SNX29: variants seen among roughly 807,000 people sequenced by gnomAD.
SNX29 encodes the protein sorting nexin 29, also known as sorting nexin-29.
Under a neutral mutation model 102.1 loss-of-function variants are expected in SNX29, and 78 were observed. That is an observed-to-expected ratio of 0.76 (90% confidence interval 0.64 to 0.92). The LOEUF is 0.92. Ranked by LOEUF, SNX29 falls within the 40% of genes least tolerant of loss-of-function variation. The pLI is 0.00. For missense variants in SNX29, 1,280 were observed against 1,061.7 expected (o/e 1.21, Z -2.86); for synonymous variants, 580 against 414.5 (o/e 1.40, Z -4.85).
intron 1 of SNX29, among the ~76,000 whole-genome samples, chr16:11,998,514 C>A (rs954176189): frequency 3.3e-5 from 5 of 152,182 alleles, no homozygotes; most frequent in Non-Finnish European, 7.3e-5. Flanking sequence ...CTAGTCTTGG[C>A]TTACCAACTC....
intron 14 of SNX29, among the ~76,000 whole-genome samples, chr16:12,213,500 A>G (rs1225017557): frequency 1.3e-5 from 2 of 152,146 alleles, no homozygotes; most frequent in Non-Finnish European, 2.9e-5. Context: ...TAAAATTAAA[A>G]ACAACATTGA....
At chr16:12,535,925 A>G (rs917206789) in intron 20 of SNX29, among the ~76,000 whole-genome samples, 1 of 152,118 alleles carries the variant, frequency 6.6e-6, no homozygotes, top group Non-Finnish European at 1.5e-5. Context: ...AGGGCTAGAA[A>G]ATGGGGCTGG....
intron 16 of SNX29, among the ~76,000 whole-genome samples, chr16:12,382,315 AC>A (rs2083196220): frequency 6.6e-6 from 1 of 152,178 alleles, no homozygotes; most frequent in South Asian, 2.1e-4. Flanking sequence ...CATGGTGTGA[AC>A]CTTGCTCCGT....
chr16:12,180,166 T>C (rs2076350078), intron 13 of SNX29, among the ~76,000 whole-genome samples: 1 of 152,124 alleles, frequency 6.6e-6, no homozygotes, highest in Non-Finnish European at 1.5e-5. Context: ...TTTCTTCATA[T>C]CCTTTTCTTT....
intron 14 of SNX29, among the ~76,000 whole-genome samples, chr16:12,252,080 A>G (rs1467779044): frequency 1.3e-5 from 2 of 152,178 alleles, no homozygotes; most frequent in African/African-American, 4.8e-5. Context: ...ATTTCCTTGC[A>G]AGAAAATCAC....
chr16:11,988,424 A>G (rs2055717643), intron 1 of SNX29, among the ~76,000 whole-genome samples: 1 of 151,870 alleles, frequency 6.6e-6, no homozygotes, highest in Non-Finnish European at 1.5e-5. Context: ...TTGAGATAGG[A>G]TTTTGCTGTG....
chr16:12,520,879 C>T lies in SNX29; in HGVS notation c.2179-3823C>T, dbSNP rs186133280. Among the ~76,000 whole-genome samples the T allele has an allele frequency of 3.9e-5, 6 of 152,262 alleles. No homozygotes were observed. The East Asian group carries it at 9.7e-4, about 25-fold the overall frequency. On this transcript the variant is annotated intron_variant, in intron 19 of 20. Coordinates refer to ENST00000566228, the MANE Select transcript of SNX29 (RefSeq NM_032167.5). ...GCACACTGCTCAGGTGAAGGGGGCA[C>T]TAGAGTTTCAGAATTCACCACTAAA...
chr16:12,422,471 C>A (rs1480075147), intron 18 of SNX29, among the ~76,000 whole-genome samples: 1 of 152,210 alleles, frequency 6.6e-6, no homozygotes, highest in Non-Finnish European at 1.5e-5. Flanking sequence ...CAAGTAACTT[C>A]TTCCAAATCC....
At chr16:12,541,720 C>T (rs565723933) in intron 20 of SNX29, among the ~76,000 whole-genome samples, 6 of 152,222 alleles carry the variant, frequency 3.9e-5, no homozygotes, top group South Asian at 2.1e-4. Flanking sequence ...TGATTCCTGT[C>T]ACCTCCTGTC....
intron 20 of SNX29, among the ~76,000 whole-genome samples, chr16:12,551,859 G>A (rs1383977335): frequency 6.6e-6 from 1 of 152,140 alleles, no homozygotes; most frequent in Non-Finnish European, 1.5e-5. Context: ...ACAGGAGCAG[G>A]CAGGTGATAT....
intron 16 of SNX29, among the ~76,000 whole-genome samples, chr16:12,397,524 G>A (rs185532330): frequency 6.6e-6 from 1 of 152,154 alleles, no homozygotes; most frequent in Non-Finnish European, 1.5e-5. Context: ...TGTAAATTCA[G>A]TGTTCTCTTT....
At chr16:12,393,918 C>T (rs986219350) in intron 16 of SNX29, among the ~76,000 whole-genome samples, 5 of 152,302 alleles carry the variant, frequency 3.3e-5, no homozygotes, top group African/African-American at 1.2e-4. Flanking sequence ...CCAAGGTTTA[C>T]GGAAGCCAAG....
At chr16:12,206,814 G>GT (rs71139583) in intron 14 of SNX29, among the ~76,000 whole-genome samples, 1,547 of 121,622 alleles carry the variant, frequency 0.013, 29 homozygotes, top group African/African-American at 0.037. Flanking sequence ...GAATGAGGTG[G>GT]TTTTTTTTTT....
intron 1 of SNX29, among the ~76,000 whole-genome samples, chr16:11,992,747 T>G (rs1431312499): frequency 2.6e-5 from 4 of 152,214 alleles, no homozygotes; most frequent in Non-Finnish European, 5.9e-5. Context: ...CAAAGAGCAT[T>G]GCCTTCTTTT....
intron 13 of SNX29, among the ~76,000 whole-genome samples, chr16:12,151,578 C>G (rs373261100): frequency 6.6e-6 from 1 of 152,160 alleles, no homozygotes; most frequent in African/African-American, 2.4e-5. Flanking sequence ...GCCCGGGACT[C>G]GTACCCCACA....
chr16:12,407,494 C>G (rs1220584527), intron 18 of SNX29, among the ~76,000 whole-genome samples: 1 of 152,148 alleles, frequency 6.6e-6, no homozygotes, highest in South Asian at 2.1e-4. Flanking sequence ...ATCGTGAAAA[C>G]AGTCCAAAGT....
chr16:12,338,555 C>G (rs571577410), intron 15 of SNX29, among the ~76,000 whole-genome samples: 3 of 152,188 alleles, frequency 2.0e-5, no homozygotes, highest in Non-Finnish European at 4.4e-5. Flanking sequence ...AAAGTTTCCA[C>G]TTGTAGATGA....
intron 20 of SNX29, among the ~76,000 whole-genome samples, chr16:12,563,804 C>G (rs935498028): frequency 1.3e-5 from 2 of 152,346 alleles, no homozygotes; most frequent in East Asian, 3.9e-4. Context: ...AACACCCACC[C>G]ATTTGCTGCT....
At chr16:12,538,636 A>C (rs1212477416) in intron 20 of SNX29, among the ~76,000 whole-genome samples, 1 of 152,118 alleles carries the variant, frequency 6.6e-6, no homozygotes, top group East Asian at 1.9e-4. Context: ...AAGAATGGAA[A>C]AACTGGGCTG....
Sources: allele counts gnomAD v4.1 joint callset (sites outside exome capture counted in the v4.1 genomes callset), GRCh38; gene constraint gnomAD v4.1.1; transcripts MANE v1.5; gene names NCBI Gene and HGNC (gene_info 2026-07-23, HGNC 2026-07-21).